PPM1H: variants seen among roughly 807,000 people sequenced by gnomAD.
PPM1H encodes the protein protein phosphatase, Mg2+/Mn2+ dependent 1H.
A neutral mutation model predicts 54.9 loss-of-function variants in PPM1H; 27 were observed. The observed-to-expected ratio is 0.49, with a 90% CI of 0.36 to 0.68. PPM1H has a LOEUF of 0.68. Ranked by LOEUF, PPM1H falls within the 30% of genes least tolerant of loss-of-function variation. The pLI, the probability that PPM1H is intolerant of heterozygous loss-of-function variation, is 0.00. For missense variants in PPM1H, 596 were observed against 667.8 expected, an observed-to-expected ratio of 0.89 and a Z score of 1.19; for synonymous variants, 305 against 270.8, an observed-to-expected ratio of 1.13 and a Z score of -1.24.
At chr12:62,658,799 G>C (rs2075862968) in intron 9 of PPM1H, 1 of 475,402 alleles carries the variant, frequency 2.1e-6, no homozygotes, top group Non-Finnish European at 3.9e-6. Flanking sequence ...AAGAAAGAGG[G>C]GCCATCTCCT....
chr12:62,734,379 A>C (rs2076339564), intron 5 of PPM1H, among the ~76,000 whole-genome samples: 1 of 152,230 alleles, frequency 6.6e-6, no homozygotes, highest in African/African-American at 2.4e-5. Context: ...TAGCTAAATG[A>C]GTAGTACTTT....
At chr12:62,783,272 A>T (rs1213241076) in intron 4 of PPM1H, among the ~76,000 whole-genome samples, 1 of 152,246 alleles carries the variant, frequency 6.6e-6, no homozygotes, top group Non-Finnish European at 1.5e-5. Flanking sequence ...CAACAACTGC[A>T]GTGCGTTTAA....
intron 1 of PPM1H, among the ~76,000 whole-genome samples, chr12:62,931,923 G>A (rs917915301): frequency 6.6e-6 from 1 of 152,074 alleles, no homozygotes; most frequent in Admixed American, 6.5e-5. Context: ...AAATGCTACA[G>A]AATAATATGC....
At chr12:62,665,603 C>A (rs1297940361) in intron 9 of PPM1H, among the ~76,000 whole-genome samples, 1 of 152,210 alleles carries the variant, frequency 6.6e-6, no homozygotes, top group Non-Finnish European at 1.5e-5. Flanking sequence ...TTCTCTTCAA[C>A]TAGCTCTAAT....
intron 9 of PPM1H, among the ~76,000 whole-genome samples, chr12:62,653,396 T>G (rs1346062168): frequency 2.0e-5 from 3 of 152,246 alleles, no homozygotes; most frequent in African/African-American, 7.2e-5. Context: ...CTAACTCCCT[T>G]TAGCAGTTTA....
At chr12:62,695,724 T>C (rs2076111183) in intron 6 of PPM1H, among the ~76,000 whole-genome samples, 1 of 152,140 alleles carries the variant, frequency 6.6e-6, no homozygotes, top group African/African-American at 2.4e-5. Context: ...TGAGATCCAC[T>C]ACTATACATC....
At chr12:62,831,539 C>T (rs77034693) in intron 2 of PPM1H, among the ~76,000 whole-genome samples, 2,862 of 152,034 alleles carry the variant, frequency 0.019, 96 homozygotes, top group African/African-American at 0.064. Flanking sequence ...ACATCAGGCA[C>T]AGGCTGCAAA....
intron 8 of PPM1H, among the ~76,000 whole-genome samples, chr12:62,677,242 T>G (rs187744521): frequency 3.9e-5 from 6 of 152,220 alleles, no homozygotes; most frequent in Non-Finnish European, 7.3e-5. Context: ...CAGTTGCCCA[T>G]GTACCTCATT....
At chr12:62,899,787 T>C (rs1456290229) in intron 1 of PPM1H, among the ~76,000 whole-genome samples, 1 of 152,220 alleles carries the variant, frequency 6.6e-6, no homozygotes, top group Non-Finnish European at 1.5e-5. Flanking sequence ...TACAGTAACT[T>C]TGGAGAGTAG....
intron 9 of PPM1H, among the ~76,000 whole-genome samples, chr12:62,655,337 C>CTGCTT (rs1299984766): frequency 6.6e-5 from 10 of 152,158 alleles, no homozygotes; most frequent in Admixed American, 6.5e-4. Context: ...CTTTGCTAGG[C>CTGCTT]TGCTTTATGT....
intron 1 of PPM1H, among the ~76,000 whole-genome samples, chr12:62,891,740 G>A (rs887760777): frequency 2.0e-5 from 3 of 152,176 alleles, no homozygotes; most frequent in African/African-American, 7.2e-5. Context: ...CAGTTGTCGA[G>A]TCTTGCCGAA....
chr12:62,901,252 T>C (rs926501527), intron 1 of PPM1H, among the ~76,000 whole-genome samples: 1 of 152,224 alleles, frequency 6.6e-6, no homozygotes, highest in African/African-American at 2.4e-5. Context: ...TTCAAAACCC[T>C]TGGGAGGTGA....
At chr12:62,746,610 T>C (rs565097503) in intron 4 of PPM1H, among the ~76,000 whole-genome samples, 57 of 152,352 alleles carry the variant, frequency 3.7e-4, no homozygotes, top group Admixed American at 3.1e-3. Context: ...GATGTCCTTG[T>C]TGCGAGGCAG....
intron 1 of PPM1H, among the ~76,000 whole-genome samples, chr12:62,879,207 G>T (rs1870302697): frequency 6.6e-6 from 1 of 152,176 alleles, no homozygotes; most frequent in Admixed American, 6.5e-5. Context: ...ATCCTCCTCT[G>T]GAGGCTGTGG....
intron 9 of PPM1H, 68 bp downstream of exon 9, chr12:62,667,110 T>G (rs2136612212): frequency 6.9e-7 from 1 of 1,454,338 alleles, no homozygotes; most frequent in East Asian, 2.3e-5. Context: ...ATTGCATGAT[T>G]ATTAATTTCA....
chr12:62,817,042 C>A (rs1246656469), intron 2 of PPM1H, among the ~76,000 whole-genome samples: 1 of 133,122 alleles, frequency 7.5e-6, no homozygotes, highest in Non-Finnish European at 1.5e-5. Context: ...GTTTTAAAAT[C>A]ATCCATCTTA....
chr12:62,899,844 C>T (rs1871104130), intron 1 of PPM1H, among the ~76,000 whole-genome samples: 1 of 152,136 alleles, frequency 6.6e-6, no homozygotes, highest in African/African-American at 2.4e-5. Flanking sequence ...ATGTTCACTC[C>T]AAATTGATAT....
chr12:62,730,822 T>C (rs2076316928), intron 5 of PPM1H, among the ~76,000 whole-genome samples: 1 of 152,222 alleles, frequency 6.6e-6, no homozygotes, highest in South Asian at 2.1e-4. Context: ...GCCAAACCAC[T>C]GGTGATCACT....
intron 8 of PPM1H, among the ~76,000 whole-genome samples, chr12:62,686,271 T>G (rs1290178840): frequency 1.3e-5 from 2 of 152,194 alleles, no homozygotes; most frequent in Non-Finnish European, 2.9e-5. Context: ...TACAGAGCAC[T>G]CTCCTTCAAG....
Sources: allele counts gnomAD v4.1 joint callset (sites outside exome capture counted in the v4.1 genomes callset), GRCh38; gene constraint gnomAD v4.1.1; transcripts MANE v1.5; gene names NCBI Gene and HGNC (gene_info 2026-07-23, HGNC 2026-07-21).